Variants in BABAM2 observed in about 807,000 individuals in gnomAD.
The protein encoded by BABAM2 is BRISC and BRCA1-A complex member 2.
Under a neutral mutation model 54.7 loss-of-function variants are expected in BABAM2, and 31 were observed. The observed-to-expected ratio is 0.57, with a 90% CI of 0.43 to 0.77. BABAM2 has a LOEUF of 0.77. Ranked by LOEUF, BABAM2 falls within the 30% of genes least tolerant of loss-of-function variation. The probability of loss-of-function intolerance (pLI) is 0.00; values close to 1 mark genes in which losing one functional copy is unlikely to be tolerated. For missense variants in BABAM2, 364 were observed against 455.8 expected (o/e 0.80, Z 1.83); for synonymous variants, 167 against 162.9 (o/e 1.03, Z -0.19).
intron 4 of BABAM2, among the ~76,000 whole-genome samples, chr2:28,014,640 G>T (rs1573393098): frequency 6.9e-6 from 1 of 145,362 alleles, no homozygotes; most frequent in Non-Finnish European, 1.5e-5. Flanking sequence ...CTTGTTTATG[G>T]TTAAGTCTCA....
intron 6 of BABAM2, among the ~76,000 whole-genome samples, chr2:28,069,900 G>T (rs1393751016): frequency 1.3e-5 from 2 of 152,020 alleles, no homozygotes; most frequent in African/African-American, 2.4e-5. Flanking sequence ...TTTGAGATAG[G>T]GTCTCGCTCT....
intron 10 of BABAM2, among the ~76,000 whole-genome samples, chr2:28,281,159 A>G (rs1365965124): frequency 6.6e-6 from 1 of 152,106 alleles, no homozygotes; most frequent in African/African-American, 2.4e-5. Context: ...AGGAAAGGCT[A>G]CCTAGGCCTC....
rs1558532630 is a variant in BABAM2 at position 28,325,898 on chromosome 2, C to T, written c.1089-12552C>T. 6.6e-6 allele frequency among the ~76,000 whole-genome samples: 1 copy of T among 152,224 alleles called. No homozygotes were observed. The highest frequency in any genetic ancestry group is 6.5e-5 in the Admixed American group (1 of 15,280). On this transcript the variant is annotated intron_variant, in intron 11 of 11. Transcript: ENST00000379624. The surrounding 1 kb of genome is among the most constrained non-coding windows in gnomAD (Gnocchi z 4.3). ...ACCAGGCAAATAACACTTCAAAGCC[C>T]TAGAGAGACTCAGGGGAGGGGAAGG...
chr2:27,961,287 A>G (rs1366284578), intron 3 of BABAM2, among the ~76,000 whole-genome samples: 1 of 152,178 alleles, frequency 6.6e-6, no homozygotes, highest in Non-Finnish European at 1.5e-5. Flanking sequence ...CAATGGTTCA[A>G]CTTAGGATTT....
intron 2 of BABAM2, chr2:27,894,952 G>A: frequency 2.7e-6 from 1 of 373,088 alleles, no homozygotes; most frequent in South Asian, 4.8e-5. Context: ...TGCCGTCAGA[G>A]TTTTAAAAGT....
At chr2:28,006,518 T>C (rs963161485) in intron 4 of BABAM2, among the ~76,000 whole-genome samples, 10 of 152,070 alleles carry the variant, frequency 6.6e-5, no homozygotes, top group African/African-American at 2.4e-4. Context: ...AGAAAATAAC[T>C]ATTAAAAGCA....
At chr2:28,028,737 TC>T (rs1676073715) in intron 5 of BABAM2, among the ~76,000 whole-genome samples, 1 of 152,160 alleles carries the variant, frequency 6.6e-6, no homozygotes, top group South Asian at 2.1e-4. Flanking sequence ...TAAATAACAC[TC>T]CGGCTTTTAT....
At chr2:28,039,104 C>T (rs945139411) in intron 5 of BABAM2, among the ~76,000 whole-genome samples, 1 of 152,118 alleles carries the variant, frequency 6.6e-6, no homozygotes, top group Non-Finnish European at 1.5e-5. Flanking sequence ...TCCAAAAGGG[C>T]AGTGGTCCTG....
At chr2:28,014,555 T>C (rs1390235319) in intron 4 of BABAM2, among the ~76,000 whole-genome samples, 3 of 152,124 alleles carry the variant, frequency 2.0e-5, no homozygotes, top group African/African-American at 7.2e-5. Flanking sequence ...TATTGGTGTC[T>C]ACTTAGCTAT....
At chr2:27,930,078 G>A in intron 3 of BABAM2, 170 bp downstream of exon 3, 5 of 597,536 alleles carry the variant, frequency 8.4e-6, no homozygotes, top group South Asian at 4.4e-5. Context: ...TTAAAAGTAA[G>A]GCAGTTGGCA....
At chr2:28,002,053 A>C (rs1388715530) in intron 4 of BABAM2, among the ~76,000 whole-genome samples, 1 of 85,198 alleles carries the variant, frequency 1.2e-5, no homozygotes, top group Non-Finnish European at 2.6e-5. Context: ...AAATACAATC[A>C]AACAGGTAAA....
chr2:27,947,008 T>C (rs1393527443), intron 3 of BABAM2, among the ~76,000 whole-genome samples: 1 of 152,160 alleles, frequency 6.6e-6, no homozygotes, highest in Non-Finnish European at 1.5e-5. Flanking sequence ...AGCTAGAAGA[T>C]TAACAATTTT....
chr2:28,073,620 A>G (rs770585659), intron 6 of BABAM2, among the ~76,000 whole-genome samples: 32 of 152,230 alleles, frequency 2.1e-4, no homozygotes, highest in Non-Finnish European at 1.5e-4. Flanking sequence ...CCCCCTAGAA[A>G]TGAACACTAA....
chr2:27,920,518 A>G (rs1156716759), intron 2 of BABAM2, among the ~76,000 whole-genome samples: 2 of 152,250 alleles, frequency 1.3e-5, no homozygotes, highest in Non-Finnish European at 2.9e-5. Context: ...ATTAGTTAAC[A>G]GTAATTTACT....
intron 7 of BABAM2, among the ~76,000 whole-genome samples, chr2:28,172,694 C>T (rs1057415887): frequency 4.5e-4 from 68 of 152,182 alleles, no homozygotes; most frequent in African/African-American, 1.4e-3. Context: ...TGGGGACGAA[C>T]GAGTATTCCT....
chr2:28,099,393 T>C (rs774488198), intron 6 of BABAM2, among the ~76,000 whole-genome samples: 1 of 152,098 alleles, frequency 6.6e-6, no homozygotes, highest in Non-Finnish European at 1.5e-5. Flanking sequence ...TTGTAGTGTG[T>C]TTGCTTTGCC....
chr2:27,905,555 T>C (rs141504210), intron 2 of BABAM2, among the ~76,000 whole-genome samples: 7 of 152,268 alleles, frequency 4.6e-5, no homozygotes, highest in African/African-American at 1.7e-4. Flanking sequence ...TGGGTGATAT[T>C]ATTGTATGTT....
upstream of BABAM2, chr2:27,890,210 C>A: frequency 1.3e-6 from 2 of 1,574,214 alleles, no homozygotes; most frequent in South Asian, 2.2e-5. This position sits in a 1 kb window ranked among gnomAD's most constrained non-coding sequence, Gnocchi z 4.8. Context: ...GCGCACGGCA[C>A]GCCTCCTCCC....
At chr2:28,096,375 A>T (rs7568903) in intron 6 of BABAM2, among the ~76,000 whole-genome samples, 1 of 121,636 alleles carries the variant, frequency 8.2e-6, no homozygotes, top group Non-Finnish European at 1.7e-5. Context: ...ATTGTTGATC[A>T]GCAAAAAAAA....
Sources: allele counts gnomAD v4.1 joint callset (sites outside exome capture counted in the v4.1 genomes callset), GRCh38; gene constraint gnomAD v4.1.1; non-coding constraint Gnocchi (gnomAD v3.1); transcripts MANE v1.5; gene names NCBI Gene and HGNC (gene_info 2026-07-23, HGNC 2026-07-21).